The following PLXNA3 variants were observed in gnomAD, a reference collection of about 807,000 sequenced individuals.
The protein encoded by PLXNA3 is plexin A3, also known as plexin-A3.
In PLXNA3, 52 loss-of-function variants were observed where a neutral mutation model predicts 118.8. The ratio of observed to expected loss-of-function variants is 0.44; its 90% CI spans 0.35 to 0.55. The LOEUF is 0.55. Ranked by LOEUF, PLXNA3 falls within the 20% of genes least tolerant of loss-of-function variation. The pLI, the probability that PLXNA3 is intolerant of heterozygous loss-of-function variation, is 0.01. For missense variants in PLXNA3, 1,660 were observed against 1,730.8 expected (o/e 0.96, Z 0.73); for synonymous variants, 925 against 762.4 (o/e 1.21, Z -3.51).
Position 154,468,362 on chromosome X carries a change from G to C in PLXNA3, c.4023G>C (p.Ala1341=), listed in dbSNP as rs782492457. 4 of 1,210,422 alleles carry C rather than the reference G, an allele frequency of 3.3e-6. No homozygotes were observed. The South Asian group carries it at 7.0e-5, about 21-fold the overall frequency. The change falls in exon 23 of 33, where the codon GCG becomes GCC. Residue 1341 remains alanine, a synonymous_variant. Transcript: ENST00000369682. ...RLFGQLLHSR[A]FVLTFIHTLE... ...TCGGGCAGCTGCTGCACAGCCGCGC[G>C]TTCGTGCTTACCTTCATCCACACGC... is the stretch of plus-strand genomic sequence containing the variant.
Position 154,461,641 on chromosome X carries a change from G to A in PLXNA3, c.1134+3G>A. 1 of 1,181,695 alleles carries A rather than the reference G, an allele frequency of 8.5e-7. No individual in the cohort carries two copies. The highest frequency in any genetic ancestry group is 1.1e-6 in the Non-Finnish European group (1 of 883,275). On this transcript the variant is annotated splice_donor_region_variant and intron_variant, in intron 3 of 32. Coordinates refer to ENST00000369682, the MANE Select transcript of PLXNA3 (RefSeq NM_017514.5). ...AGGAGCTGCCCTGCATCAACACCGT[G>A]AGCCCCTCATCACCCCACACTGGTC...
intron 3 of PLXNA3, 56 bp downstream of exon 3, chrX:154,461,694 C>G: frequency 9.4e-7 from 1 of 1,067,115 alleles, no homozygotes; most frequent in African/African-American, 1.8e-5. Context: ...TCTACCATGC[C>G]CAGCGTGGGC....
Position 154,477,262 on chromosome X carries a change from A to G in PLXNA3, c.*4577A>G, listed in dbSNP as rs2069242452. The stretch of plus-strand genomic sequence containing the variant: ...TCCCACACAGCACATCTTCAAAGCA[A>G]GACTCAAAAGGATCAAACCATTTCC... On this transcript the variant is annotated 3_prime_UTR_variant, in exon 33 of 33. Coordinates refer to ENST00000369682, the MANE Select transcript of PLXNA3 (RefSeq NM_017514.5). 8.9e-6 allele frequency: 1 copy of G among 112,543 alleles called. No individual in the cohort carries two copies. Among genetic ancestry groups the G allele is most frequent in the Admixed American group, 9.4e-5 (1 of 10,627 alleles). 9.3% of individuals were successfully genotyped at this position (112,543 alleles called of 1,213,427 possible).
At position 154,464,738 on chromosome X, in the gene PLXNA3, GC is replaced by G. The variant is rs1380990915; in HGVS notation, c.1929-14del. ...TGCAGCCTCCTCTGTTATTTCTGAA[GC>G]CACTTCCCCCCCAGGTGCATGTCCT... On this transcript the variant is annotated splice_polypyrimidine_tract_variant and intron_variant, in intron 9 of 32. Coordinates refer to ENST00000369682, the MANE Select transcript of PLXNA3 (RefSeq NM_017514.5). The G allele has an allele frequency of 1.8e-6, 2 of 1,091,179 alleles. No individual in the cohort carries two copies. Among genetic ancestry groups the G allele is most frequent in the Non-Finnish European group, 2.5e-6 (2 of 808,499 alleles). 89.9% of individuals were successfully genotyped at this position (1,091,179 alleles called of 1,213,427 possible).
intron 2 of PLXNA3, 101 bp downstream of exon 2, chrX:154,460,878 C>G (rs2068940576): frequency 4.3e-6 from 3 of 700,062 alleles, no homozygotes; most frequent in Admixed American, 3.6e-5. Context: ...TCCTCAGTGT[C>G]TGGGATGCAG....
In PLXNA3 at chrX:154,472,473, G is replaced by A. The variant is rs1412279982; in HGVS notation, c.5521-117G>A. On this transcript the variant is annotated intron_variant, in intron 32 of 32. Transcript: ENST00000369682. ...GGTGGGTTTGTACAGGGGCTGCGGG[G>A]GAGGACGGAGGGATGAGGCGTGTGG... is the stretch of plus-strand genomic sequence containing the variant. 9 of 519,178 alleles carry A rather than the reference G, an allele frequency of 1.7e-5. No homozygotes were observed. The African/African-American group carries it at 2.1e-4, about 12-fold the overall frequency. The allele number at this position is 519,178 out of a possible 1,213,427, so 42.8% of individuals were successfully genotyped here.
chrX:154,458,945 G>A (rs1192164229), intron 1 of PLXNA3, among the ~76,000 whole-genome samples: 2 of 109,252 alleles, frequency 1.8e-5, no homozygotes, highest in Non-Finnish European at 3.9e-5. Context: ...GGGTGTAGAG[G>A]AGGTGAAGAC....
Position 154,472,869 on chromosome X carries a change from T to G in PLXNA3, c.*184T>G. Reference sequence around the variant, plus strand: ...TTCATTAGTGCCTTGCTTTGGGCCCTGCAGGGGGAGGGGTGACAGGGCGAG... The same window carrying G: ...TTCATTAGTGCCTTGCTTTGGGCCCGGCAGGGGGAGGGGTGACAGGGCGAG... On this transcript the variant is annotated 3_prime_UTR_variant, in exon 33 of 33. Transcript: ENST00000369682. 2.5e-6 allele frequency: 1 copy of G among 401,122 alleles called. No individual in the cohort carries two copies. Among genetic ancestry groups the G allele is most frequent in the Non-Finnish European group, 4.5e-6 (1 of 222,950 alleles). 33.1% of individuals were successfully genotyped at this position (401,122 alleles called of 1,213,427 possible).
At position 154,473,620 on chromosome X, in the gene PLXNA3, G is replaced by T. The variant is rs1165325913; in HGVS notation, c.*935G>T. The T allele has an allele frequency of 8.9e-6, 1 of 112,579 alleles. No individual in the cohort carries two copies. The highest frequency in any genetic ancestry group is 1.9e-5 in the Non-Finnish European group (1 of 53,226). 9.3% of individuals were successfully genotyped at this position (112,579 alleles called of 1,213,427 possible). A position where few individuals can be genotyped will look rare whatever the true frequency, so the allele number is the denominator to read the frequency against. ...CTTTGTTCATGGAATGTTTTTTCCT[G>T]ATTAAATGTTGGGGAAATGCCATCC... On this transcript the variant is annotated 3_prime_UTR_variant, in exon 33 of 33. Transcript: ENST00000369682.
chrX:154,463,177 T>C (rs2069006523), intron 4 of PLXNA3, among the ~76,000 whole-genome samples: 1 of 111,094 alleles, frequency 9.0e-6, no homozygotes, highest in Non-Finnish European at 1.9e-5. Flanking sequence ...CCCCTGACCT[T>C]GGGCAACACG....
rs1355728240 is a variant in PLXNA3, at chrX:154,470,364, TTCTG to T, written c.4987-77_4987-74del. 3 of 1,062,306 alleles carry T rather than the reference TTCTG, an allele frequency of 2.8e-6. No individual in the cohort carries two copies. The African/African-American group carries it at 5.5e-5, about 20-fold the overall frequency. The allele number at this position is 1,062,306 out of a possible 1,213,427, so 87.5% of individuals were successfully genotyped here. ...GGAAGCCCCTCTCTTTGCCAAGCCT[TTCTG>T]CCTCCATCTGTCCTGCTCTGGGGAC... is the stretch of plus-strand genomic sequence containing the variant. On this transcript the variant is annotated intron_variant, in intron 29 of 32. Coordinates refer to ENST00000369682, the MANE Select transcript of PLXNA3 (RefSeq NM_017514.5).
chrX:154,465,991 G>T lies in PLXNA3; in HGVS notation c.2589G>T (p.Glu863Asp). ...GCACCCGGGTCACCATCGTGGGTGA[G>T]AACCTGGGCCTCTTGTCCCGAGAGG... is the stretch of plus-strand genomic sequence containing the variant. ...EGGTRVTIVG[E>D]NLGLLSREVG... The change falls in exon 14 of 33, where the codon GAG becomes GAT. Residue 863 changes from glutamate to aspartate, a missense_variant. Glu to Asp is a conservative substitution (Grantham distance 45). Transcript: ENST00000369682. 1 of 1,211,168 alleles carries T rather than the reference G, an allele frequency of 8.3e-7. No homozygotes were observed. Among genetic ancestry groups the T allele is most frequent in the Non-Finnish European group, 1.1e-6 (1 of 895,248 alleles).
rs2069076312 is a variant in PLXNA3, at chrX:154,465,998, G to A, written c.2596G>A (p.Gly866Ser). 8.3e-7 allele frequency: 1 copy of A among 1,211,170 alleles called. No individual in the cohort carries two copies. The highest frequency in any genetic ancestry group is 1.1e-6 in the Non-Finnish European group (1 of 895,093). Residue 866 changes from glycine to serine, a missense_variant, in exon 14 of 33, where the codon GGC becomes AGC. Gly to Ser is a moderately conservative substitution (Grantham distance 56). Coordinates refer to ENST00000369682, the MANE Select transcript of PLXNA3 (RefSeq NM_017514.5). ...TRVTIVGENL[G>S]LLSREVGLRV... ...GGTCACCATCGTGGGTGAGAACCTG[G>A]GCCTCTTGTCCCGAGAGGTGGGCCT...
intron 32 of PLXNA3, among the ~76,000 whole-genome samples, chrX:154,471,928 G>C (rs782696422): frequency 6.6e-4 from 74 of 112,792 alleles, no homozygotes; most frequent in Middle Eastern, 4.6e-3. Context: ...AGAGGCAGGA[G>C]GACATAGAGG....
At chrX:154,470,243 A>G in intron 29 of PLXNA3, 76 bp downstream of exon 29, 1 of 1,056,510 alleles carries the variant, frequency 9.5e-7, no homozygotes, top group South Asian at 2.1e-5. Flanking sequence ...GCCATGGATC[A>G]TTTGCTTCCA....
In PLXNA3 at chrX:154,463,559, G is replaced by C. The variant is rs782034655; in HGVS notation, c.1447-31G>C. ...GGTGGCGGTGGGTGGTGGGGCGGGGGTGGGCTGGGTGCTGATGTGGCTGTC... is the reference window on the plus strand; with the variant it reads ...GGTGGCGGTGGGTGGTGGGGCGGGGCTGGGCTGGGTGCTGATGTGGCTGTC... On this transcript the variant is annotated intron_variant, in intron 5 of 32. Coordinates refer to ENST00000369682, the MANE Select transcript of PLXNA3 (RefSeq NM_017514.5). The C allele has an allele frequency of 6.9e-6, 8 of 1,154,226 alleles. No homozygotes were observed. The African/African-American group carries it at 1.3e-4, about 18-fold the overall frequency.
Position 154,465,110 on chromosome X carries a change from G to T in PLXNA3, c.2136G>T (p.Pro712=), listed in dbSNP as rs373769498. The T allele has an allele frequency of 1.7e-6, 2 of 1,209,092 alleles. No homozygotes were observed. The highest frequency in any genetic ancestry group is 3.0e-5 in the East Asian group (1 of 33,762). The change falls in exon 11 of 33, where the codon CCG becomes CCT. Residue 712 remains proline, a synonymous_variant. Transcript: ENST00000369682. ...LTLRAKNLPQ[P]QSGQKNYECV... ...TGCGGGCTAAGAACCTACCTCAGCC[G>T]CAGTCGGGCCAGAAGAACTATGAGT...
At position 154,462,905 on chromosome X, in the gene PLXNA3, A is replaced by G. The variant is rs1326640337; in HGVS notation, c.1318-486A>G. Among the ~76,000 whole-genome samples, 3 of 111,115 alleles carry G rather than the reference A, an allele frequency of 2.7e-5. No homozygotes were observed. The Admixed American group carries it at 2.9e-4, about 11-fold the overall frequency. On this transcript the variant is annotated intron_variant, in intron 4 of 32. Transcript: ENST00000369682. ...CTGCTTGCCTCGTAGATGCAGTGCCATCCCCCAGGAGGGCAAGTGTTGGTC... is the reference window on the plus strand; with the variant it reads ...CTGCTTGCCTCGTAGATGCAGTGCCGTCCCCCAGGAGGGCAAGTGTTGGTC...
chrX:154,467,417 G>A lies in PLXNA3; in HGVS notation c.3387G>A (p.Pro1129=), dbSNP rs1557207597. ...FTYYPDPSFE[P]LGPSGVLDVK... Reference sequence around the variant, plus strand: ...ACTACCCTGATCCCAGCTTTGAGCCGCTGGGGCCCTCTGGCGTGCTGGACG... The same window carrying A: ...ACTACCCTGATCCCAGCTTTGAGCCACTGGGGCCCTCTGGCGTGCTGGACG... Residue 1129 remains proline (P), a synonymous_variant, in exon 19 of 33, where the codon CCG becomes CCA. Transcript: ENST00000369682. 8 of 1,199,736 alleles carry A rather than the reference G, an allele frequency of 6.7e-6. No individual in the cohort carries two copies. The South Asian group carries it at 7.1e-5, about 11-fold the overall frequency.
Sources: gnomAD v4.1 joint callset for allele counts (sites outside exome capture counted in the v4.1 genomes callset) on GRCh38, gnomAD v4.1.1 for gene constraint, MANE v1.5 for transcripts, NCBI Gene and HGNC (gene_info 2026-07-23, HGNC 2026-07-21) for gene names.